Variants in OTUD4 observed in about 807,000 individuals in gnomAD.
OTUD4 encodes the protein OTU deubiquitinase 4, also known as OTU domain-containing protein 4.
In OTUD4, 24 loss-of-function variants were observed where a neutral mutation model predicts 130.4. The observed-to-expected ratio is 0.18, with a 90% confidence interval of 0.13 to 0.26. The LOEUF (loss-of-function observed/expected upper bound fraction) is 0.26. Ranked by LOEUF, OTUD4 falls within the 10% of genes least tolerant of loss-of-function variation. OTUD4 has a pLI of 1.00. For synonymous variants in OTUD4, 420 were observed against 472.5 expected (o/e 0.89, Z 1.44); for missense variants, 1,031 against 1,329.4 (o/e 0.78, Z 3.49).
chr4:145,166,071 G>A lies in OTUD4; in HGVS notation c.295-874C>T, dbSNP rs1015384012. On this transcript the variant is annotated intron_variant, in intron 3 of 20. Coordinates refer to ENST00000447906, the MANE Select transcript of OTUD4 (RefSeq NM_001366057.1). ...AGCTACTCAAGAGGCTGAGGCAGGA[G>A]AATCGCTTGAACCCAGGAAGCAGAG... Among the ~76,000 whole-genome samples the A allele has an allele frequency of 3.3e-5, 5 of 151,572 alleles. No individual in the cohort carries two copies. In the South Asian group the frequency reaches 1.0e-3, roughly 31 times the overall value.
At chr4:145,152,898 C>CT (rs992792716) in intron 10 of OTUD4, among the ~76,000 whole-genome samples, 3 of 135,048 alleles carry the variant, frequency 2.2e-5, no homozygotes, top group Non-Finnish European at 4.8e-5. Flanking sequence ...TTTTTTTTTT[C>CT]TTTTTTTTGT....
Position 145,143,349 on chromosome 4 carries a change from G to C in OTUD4, c.1683+16C>G, listed in dbSNP as rs1560979097. On this transcript the variant is annotated intron_variant, in intron 17 of 20. Coordinates refer to ENST00000447906, the MANE Select transcript of OTUD4 (RefSeq NM_001366057.1). ...GAGAGTGGAGCATTCAATGTTAAATGCAACAATATACTTACTTGTTCCGCA... is the reference window on the plus strand; with the variant it reads ...GAGAGTGGAGCATTCAATGTTAAATCCAACAATATACTTACTTGTTCCGCA... The C allele has an allele frequency of 1.3e-6, 2 of 1,526,458 alleles. No homozygotes were observed. The highest frequency in any genetic ancestry group is 9.1e-7 in the Non-Finnish European group (1 of 1,101,564). 94.6% of individuals were successfully genotyped at this position (1,526,458 alleles called of 1,614,324 possible).
intron 13 of OTUD4, 114 bp downstream of exon 13, chr4:145,150,399 T>C (rs1751012666): frequency 1.5e-6 from 1 of 659,438 alleles, no homozygotes; most frequent in African/African-American, 1.8e-5. Flanking sequence ...AATACTAATA[T>C]AGGGACAATG....
Position 145,137,935 on chromosome 4 carries a change from T to A in OTUD4, c.2840A>T (p.Asp947Val), listed in dbSNP as rs188515019. 3.9e-5 allele frequency: 63 copies of A among 1,614,210 alleles called. No homozygotes were observed. In the Admixed American group the frequency reaches 7.7e-4, roughly 20 times the overall value. The change falls in exon 21 of 21, where the codon GAT becomes GTT. Residue 947 changes from aspartate to valine, a missense_variant. This residue lies in a region of OTUD4 where 900 missense variants were observed against 1,095.9 expected (regional missense o/e 0.82). Coordinates refer to ENST00000447906, the MANE Select transcript of OTUD4 (RefSeq NM_001366057.1). ...AGGAGGGATGGAAGCCAATGCCGTA[T>A]CTGCCTTTCGTGTCTGGGAAGATTG... is the stretch of plus-strand genomic sequence containing the variant. ...TEQSSQTRKA[D>V]TALASIPPVA...
Position 145,134,450 on chromosome 4 carries a change from C to T in OTUD4, c.*2980G>A, listed in dbSNP as rs897409608. ...TAGGATGGCTGAATGTTTTCTAAAC[C>T]AGAAATGGTTAGAAAGGAACTTTAT... On this transcript the variant is annotated 3_prime_UTR_variant, in exon 21 of 21. Coordinates refer to ENST00000447906, the MANE Select transcript of OTUD4 (RefSeq NM_001366057.1). The T allele has an allele frequency of 1.1e-5, 4 of 362,778 alleles. No homozygotes were observed. The highest frequency in any genetic ancestry group is 8.3e-5 in the African/African-American group (4 of 47,926). 22.5% of individuals were successfully genotyped at this position (362,778 alleles called of 1,614,324 possible). A position where few individuals can be genotyped will look rare whatever the true frequency, so the allele number is the denominator to read the frequency against.
At chr4:145,161,239 G>A (rs537507785) in intron 6 of OTUD4, among the ~76,000 whole-genome samples, 45 of 151,984 alleles carry the variant, frequency 3.0e-4, no homozygotes, top group Non-Finnish European at 4.7e-4. Flanking sequence ...TGCAGCCCTC[G>A]TATCACCCAA....
intron 19 of OTUD4, 37 bp from the exon 20 acceptor site, chr4:145,140,028 T>C (rs1349925070): frequency 7.8e-6 from 5 of 638,208 alleles, no homozygotes; most frequent in Non-Finnish European, 1.3e-5. Context: ...AAATTATATA[T>C]CTGCAGAGAT....
Position 145,155,970 on chromosome 4 carries a change from T to TCAG in OTUD4, c.653_655dup (p.Ala218dup), listed in dbSNP as rs150581210. The TCAG allele has an allele frequency of 3.0e-5, 49 of 1,606,610 alleles. No individual in the cohort carries two copies. The highest frequency in any genetic ancestry group is 4.5e-5 in the East Asian group (2 of 44,742). On this transcript the variant is annotated inframe_insertion, in exon 8 of 21. Transcript: ENST00000447906. Reference sequence around the variant, plus strand: ...TGACAAAGGTTTAAATCCATTCACATCAGCAGCAGCAGCAGCAGTCTTACT... The same window carrying TCAG: ...TGACAAAGGTTTAAATCCATTCACATCAGCAGCAGCAGCAGCAGCAGTCTTACT...
At chr4:145,167,870 A>T (rs887574408) in intron 3 of OTUD4, among the ~76,000 whole-genome samples, 2 of 152,120 alleles carry the variant, frequency 1.3e-5, no homozygotes, top group African/African-American at 4.8e-5. Flanking sequence ...AAAAAAAATT[A>T]AAAATGAAAA....
intron 3 of OTUD4, among the ~76,000 whole-genome samples, chr4:145,166,270 A>G (rs1479896139): frequency 6.6e-6 from 1 of 152,172 alleles, no homozygotes; most frequent in Non-Finnish European, 1.5e-5. Flanking sequence ...TACAAAAGAG[A>G]GCAGTGTCCT....
At chr4:145,154,471 AG>A (rs1751193817) in intron 10 of OTUD4, among the ~76,000 whole-genome samples, 1 of 152,256 alleles carries the variant, frequency 6.6e-6, no homozygotes, top group African/African-American at 2.4e-5. Flanking sequence ...GCTGTTTTAA[AG>A]TAGTTTTTTT....
chr4:145,138,800 T>C (rs1750413744), intron 20 of OTUD4, 150 bp from the exon 21 acceptor site: 1 of 651,342 alleles, frequency 1.5e-6, no homozygotes, highest in Non-Finnish European at 2.6e-6. Flanking sequence ...ATCACTGTGA[T>C]AACCAACGTG....
chr4:145,141,809 A>C (rs774225418), intron 18 of OTUD4, among the ~76,000 whole-genome samples, 170 bp from the exon 19 acceptor site: 2 of 152,192 alleles, frequency 1.3e-5, no homozygotes, highest in African/African-American at 2.4e-5. Context: ...TACGTCCAGG[A>C]TACAAGCTCT....
At chr4:145,154,722 C>T (rs1751203234) in intron 10 of OTUD4, among the ~76,000 whole-genome samples, 1 of 151,864 alleles carries the variant, frequency 6.6e-6, no homozygotes, top group African/African-American at 2.4e-5. Context: ...GGAGGCTGTC[C>T]TGTCCATTGT....
Position 145,135,866 on chromosome 4 carries a change from GC to G in OTUD4, c.*1563del. 6.5e-6 allele frequency: 1 copy of G among 152,674 alleles called. No individual in the cohort carries two copies. Among genetic ancestry groups the G allele is most frequent in the South Asian group, 2.1e-4 (1 of 4,830 alleles). The allele number at this position is 152,674 out of a possible 1,614,324, so 9.5% of individuals were successfully genotyped here. A position where few individuals can be genotyped will look rare whatever the true frequency, so the allele number is the denominator to read the frequency against. On this transcript the variant is annotated 3_prime_UTR_variant, in exon 21 of 21. Transcript: ENST00000447906. ...ATTACAGTACAGTGGCGATTCACTA[GC>G]CCAACTGGCATCCAAACATTCCCAT...
At chr4:145,165,723 G>A (rs1372110004) in intron 3 of OTUD4, among the ~76,000 whole-genome samples, 2 of 151,842 alleles carry the variant, frequency 1.3e-5, no homozygotes, top group African/African-American at 4.8e-5. Context: ...TGATCCACCC[G>A]CCTCAGTCTC....
chr4:145,179,311 A>G (rs907895043), intron 1 of OTUD4, among the ~76,000 whole-genome samples: 1 of 152,162 alleles, frequency 6.6e-6, no homozygotes, highest in Non-Finnish European at 1.5e-5. Flanking sequence ...CAGTTTGCCC[A>G]TTTGATTCAA....
At chr4:145,170,978 C>A (rs980615063) in intron 3 of OTUD4, 2 of 152,130 alleles carry the variant, frequency 1.3e-5, no homozygotes, top group African/African-American at 4.8e-5. Context: ...TCCCTCTTCA[C>A]GAGATGATCA....
At chr4:145,167,106 C>CCTTTATTCTATAATACATCTATATTTT (rs1435687726) in intron 3 of OTUD4, among the ~76,000 whole-genome samples, 1 of 152,012 alleles carries the variant, frequency 6.6e-6, no homozygotes, top group Non-Finnish European at 1.5e-5. Context: ...GAATTTTCAC[C>CCTTTATTCTATAATACATCTATATTTT]CTTTATTCTA....
Sources: gnomAD v4.1 joint callset for allele counts (sites outside exome capture counted in the v4.1 genomes callset) on GRCh38, gnomAD v4.1.1 for gene constraint, gnomAD v4.1.1 regional missense constraint, MANE v1.5 for transcripts, NCBI Gene and HGNC (gene_info 2026-07-23, HGNC 2026-07-21) for gene names.